Variants in SWAP70 observed in about 807,000 individuals in gnomAD.
SWAP70 encodes the protein switching B cell complex subunit SWAP70.
SWAP70 carries 34 observed loss-of-function variants against 80.2 expected under a neutral mutation model. The observed-to-expected ratio is 0.42, with a 90% confidence interval of 0.32 to 0.56. The LOEUF is 0.56. Among genes scored for constraint, SWAP70 ranks in the 20% least tolerant of loss-of-function variants. The pLI is 0.09. For missense variants in SWAP70, 578 were observed against 690.7 expected (o/e 0.84, Z 1.83); for synonymous variants, 239 against 238.5 (o/e 1.00, Z -0.02).
rs1169679089 is a variant in SWAP70, at chr11:9,675,360, A to G, written c.99+11082A>G. 4.9e-3 allele frequency among the ~76,000 whole-genome samples: 128 copies of G among 26,308 alleles called. 22 individuals are homozygous for G. The highest frequency in any genetic ancestry group is 8.4e-3 in the African/African-American group (39 of 4,644). The allele number at this position is 26,308 out of a possible 152,430, so 17.3% of individuals were successfully genotyped here. A position where few individuals can be genotyped will look rare whatever the true frequency, so the allele number is the denominator to read the frequency against. On this transcript the variant is annotated intron_variant, in intron 1 of 11. Transcript: ENST00000318950. ...GAGAGAGGGAGCGAGAGAGAGAGAG[A>G]GAGAGAGAGAGAGAGAGAGAGAGAG...
chr11:9,706,361 G>C (rs1850914870), intron 2 of SWAP70, among the ~76,000 whole-genome samples: 2 of 151,904 alleles, frequency 1.3e-5, no homozygotes, highest in South Asian at 4.2e-4. Flanking sequence ...ATACACTGGT[G>C]ATCTGTATAC....
At chr11:9,725,555 ATATATATATATATATTT>A (rs1851205584) in intron 4 of SWAP70, among the ~76,000 whole-genome samples, 2 of 11,218 alleles carry the variant, frequency 1.8e-4, no homozygotes, top group Non-Finnish European at 3.9e-4. Context: ...ATATATATAT[ATATATATATATATATTT>A]TTTTTTTTTT....
At chr11:9,672,228 T>TATATATATATATATGA (rs1554982640) in intron 1 of SWAP70, among the ~76,000 whole-genome samples, 3 of 133,740 alleles carry the variant, frequency 2.2e-5, no homozygotes, top group African/African-American at 8.2e-5. Flanking sequence ...TATATATATA[T>TATATATATATATATGA]GATTGTAAAG....
intron 2 of SWAP70, among the ~76,000 whole-genome samples, chr11:9,711,702 C>A (rs145653869): frequency 1.3e-5 from 2 of 152,136 alleles, no homozygotes; most frequent in African/African-American, 4.8e-5. Context: ...AGACTGTTCC[C>A]GTGAGTGGTT....
At chr11:9,672,942 T>C (rs573768470) in intron 1 of SWAP70, among the ~76,000 whole-genome samples, 1 of 152,264 alleles carries the variant, frequency 6.6e-6, no homozygotes, top group Admixed American at 6.5e-5. Context: ...ACAAACTGTT[T>C]TTTTCTCTGC....
At chr11:9,696,764 T>C (rs1439573195) in intron 2 of SWAP70, among the ~76,000 whole-genome samples, 1 of 152,234 alleles carries the variant, frequency 6.6e-6, no homozygotes, top group African/African-American at 2.4e-5. Flanking sequence ...TCCTTTTGCC[T>C]ATTTATAACA....
intron 1 of SWAP70, among the ~76,000 whole-genome samples, chr11:9,673,984 C>T (rs1230471530): frequency 6.6e-6 from 1 of 152,204 alleles, no homozygotes; most frequent in Admixed American, 6.5e-5. Context: ...ACTGCAACCT[C>T]TGCCTCCTGG....
intron 2 of SWAP70, among the ~76,000 whole-genome samples, chr11:9,696,230 G>GT (rs1850755462): frequency 6.6e-6 from 1 of 152,164 alleles, no homozygotes; most frequent in Admixed American, 6.5e-5. Flanking sequence ...TTGGGGCCAT[G>GT]TTCGGTTTTT....
chr11:9,673,885 G>GATTT (rs1020754851), intron 1 of SWAP70, among the ~76,000 whole-genome samples: 1 of 151,626 alleles, frequency 6.6e-6, no homozygotes, highest in Non-Finnish European at 1.5e-5. Flanking sequence ...TTTTTTCATT[G>GATTT]ATTTATTTGT....
chr11:9,746,828 C>A (rs1851518157), intron 9 of SWAP70, among the ~76,000 whole-genome samples: 1 of 152,218 alleles, frequency 6.6e-6, no homozygotes, highest in African/African-American at 2.4e-5. Flanking sequence ...AGTGGTAGCC[C>A]ATCACCTAGA....
At chr11:9,671,805 A>AATATAAAT (rs1363317084) in intron 1 of SWAP70, among the ~76,000 whole-genome samples, 1 of 92,312 alleles carries the variant, frequency 1.1e-5, no homozygotes, top group Admixed American at 1.6e-4. Context: ...AATATATATA[A>AATATAAAT]ATATAAATAT....
intron 6 of SWAP70, among the ~76,000 whole-genome samples, chr11:9,732,292 T>G (rs1020187198): frequency 1.3e-5 from 2 of 152,172 alleles, no homozygotes; most frequent in African/African-American, 4.8e-5. Flanking sequence ...CTCTCTCATT[T>G]TAAAGATGTG....
chr11:9,717,512 G>A (rs1381792009), intron 3 of SWAP70, among the ~76,000 whole-genome samples: 1 of 152,044 alleles, frequency 6.6e-6, no homozygotes, highest in Admixed American at 6.5e-5. Context: ...GTGTGCACCT[G>A]TTGTCCCAGC....
At position 9,752,984 on chromosome 11, in the gene SWAP70, G is replaced by A. The variant is rs569796072; in HGVS notation, c.*3014G>A. On this transcript the variant is annotated 3_prime_UTR_variant, in exon 12 of 12. Transcript: ENST00000318950. ...AAACTGTCTGATTTAATAAAACAGT[G>A]GGGGGTAAAGTTGGGTGTATCTATG... 6.6e-6 allele frequency: 1 copy of A among 152,072 alleles called. No individual in the cohort carries two copies. The highest frequency in any genetic ancestry group is 1.5e-5 in the Non-Finnish European group (1 of 68,014). 9.4% of individuals were successfully genotyped at this position (152,072 alleles called of 1,614,324 possible).
chr11:9,740,474 T>C, intron 9 of SWAP70, 127 bp downstream of exon 9: 1 of 966,008 alleles, frequency 1.0e-6, no homozygotes, highest in Non-Finnish European at 1.7e-6. Context: ...GAGCTCGAGG[T>C]GCTGTCCAGA....
rs776190065 is a variant in SWAP70 at position 9,749,930 on chromosome 11, AG to A, written c.1719del (p.Arg574GlufsTer14). ...PAAFTEAELE[E>X]REKNWKEKKT... ...GCTTTCACTGAGGCAGAACTTGAAG[AG>A]AGAGAGAAGAACTGGAAAGAGAAAA... On this transcript the variant is annotated frameshift_variant, in exon 12 of 12. Coordinates refer to ENST00000318950, the MANE Select transcript of SWAP70 (RefSeq NM_015055.4). LOFTEE classifies it high-confidence loss of function. 2 of 1,613,942 alleles carry A rather than the reference AG, an allele frequency of 1.2e-6. No individual in the cohort carries two copies. The highest frequency in any genetic ancestry group is 1.7e-6 in the Non-Finnish European group (2 of 1,179,924).
chr11:9,711,278 C>G (rs1850994597), intron 2 of SWAP70, among the ~76,000 whole-genome samples: 1 of 152,028 alleles, frequency 6.6e-6, no homozygotes, highest in Admixed American at 6.6e-5. Context: ...CTCTTTCAGT[C>G]CAGATAAAGT....
At chr11:9,709,912 G>A (rs1850973372) in intron 2 of SWAP70, among the ~76,000 whole-genome samples, 1 of 152,212 alleles carries the variant, frequency 6.6e-6, no homozygotes, top group African/African-American at 2.4e-5. Context: ...ATTATGTGCA[G>A]TTATTCTTAT....
chr11:9,738,118 G>T (rs1345600333), intron 7 of SWAP70, 95 bp from the exon 8 acceptor site: 6 of 715,814 alleles, frequency 8.4e-6, no homozygotes, highest in Non-Finnish European at 1.3e-5. Context: ...AAGAATGTTT[G>T]GCTTTTCCTG....
Sources: allele counts gnomAD v4.1 joint callset (sites outside exome capture counted in the v4.1 genomes callset), GRCh38; gene constraint gnomAD v4.1.1; transcripts MANE v1.5; gene names NCBI Gene and HGNC (gene_info 2026-07-23, HGNC 2026-07-21).